AUTS2: variants seen among roughly 807,000 people sequenced by gnomAD.
AUTS2 encodes activator of transcription and developmental regulator AUTS2, also known as autism susceptibility gene 2 protein.
AUTS2 carries 17 observed loss-of-function variants against 112.4 expected under a neutral mutation model. The observed-to-expected ratio is 0.15, with a 90% CI of 0.10 to 0.23. AUTS2 has a LOEUF of 0.23. AUTS2 is among the 10% of genes least tolerant of loss of function. The pLI, the probability that AUTS2 is intolerant of heterozygous loss-of-function variation, is 1.00. For synonymous variants in AUTS2, 751 were observed against 702.7 expected, an observed-to-expected ratio of 1.07 and a Z score of -1.09; for missense variants, 1,510 against 1,701.6, an observed-to-expected ratio of 0.89 and a Z score of 1.98.
At chr7:69,667,920 A>G (rs553275770) in intron 1 of AUTS2, among the ~76,000 whole-genome samples, 12 of 152,128 alleles carry the variant, frequency 7.9e-5, no homozygotes, top group Non-Finnish European at 1.5e-4. Context: ...CAGCTAAATC[A>G]CTATACCTAT....
intron 1 of AUTS2, among the ~76,000 whole-genome samples, chr7:69,682,253 CAGTT>C (rs1001403911): frequency 1.3e-5 from 2 of 152,196 alleles, no homozygotes; most frequent in African/African-American, 2.4e-5. Flanking sequence ...ACCTATTACA[CAGTT>C]AGAAAAACTG....
intron 6 of AUTS2, among the ~76,000 whole-genome samples, chr7:70,748,600 A>G (rs373010479): frequency 4.6e-5 from 7 of 152,230 alleles, no homozygotes; most frequent in East Asian, 3.9e-4. Flanking sequence ...AATAGTGTTC[A>G]TGAACCTACC....
chr7:70,760,090 C>G (rs939506815), intron 6 of AUTS2, among the ~76,000 whole-genome samples: 4 of 151,822 alleles, frequency 2.6e-5, no homozygotes, highest in African/African-American at 9.7e-5. Context: ...ACTGCAACCT[C>G]TGCCTCCCAG....
chr7:69,791,048 CTT>C (rs1199404216), intron 1 of AUTS2, among the ~76,000 whole-genome samples: 1 of 152,226 alleles, frequency 6.6e-6, no homozygotes, highest in African/African-American at 2.4e-5. Flanking sequence ...GAGCAGGGAT[CTT>C]CTTGAGACTG....
intron 7 of AUTS2, among the ~76,000 whole-genome samples, 156 bp downstream of exon 7, chr7:70,763,497 T>A (rs1230727177): frequency 6.6e-6 from 1 of 152,058 alleles, no homozygotes; most frequent in East Asian, 1.9e-4. Context: ...GGCTGTTGGG[T>A]GAGACTCGGG....
intron 1 of AUTS2, among the ~76,000 whole-genome samples, chr7:69,605,757 A>G (rs1185612202): frequency 6.6e-6 from 1 of 152,130 alleles, no homozygotes; most frequent in Non-Finnish European, 1.5e-5. Context: ...TTTTTGGAAA[A>G]TTTGGCCATG....
chr7:69,662,734 T>A (rs988055585), intron 1 of AUTS2, among the ~76,000 whole-genome samples: 2 of 152,230 alleles, frequency 1.3e-5, no homozygotes, highest in African/African-American at 4.8e-5. Context: ...TTGGCTTCAA[T>A]TTCCTAACAC....
intron 6 of AUTS2, among the ~76,000 whole-genome samples, chr7:70,762,189 A>G (rs1463990621): frequency 6.6e-6 from 1 of 152,200 alleles, no homozygotes; most frequent in Non-Finnish European, 1.5e-5. Context: ...CAACAAATGT[A>G]TTTGTTTTAA....
intron 5 of AUTS2, among the ~76,000 whole-genome samples, chr7:70,670,815 T>A (rs1388482927): frequency 6.6e-6 from 1 of 152,152 alleles, no homozygotes; most frequent in Non-Finnish European, 1.5e-5. Flanking sequence ...GAATTTGACC[T>A]ATTTATGCCC....
At chr7:70,497,565 G>T (rs759043104) in intron 5 of AUTS2, among the ~76,000 whole-genome samples, 6 of 152,184 alleles carry the variant, frequency 3.9e-5, no homozygotes, top group South Asian at 2.1e-4. Flanking sequence ...CATGCATGTG[G>T]AGAATGCCTT....
At chr7:70,616,450 C>T (rs11768511) in intron 5 of AUTS2, among the ~76,000 whole-genome samples, 16,682 of 152,252 alleles carry the variant, frequency 0.11, 1,080 homozygotes, top group Middle Eastern at 0.21. Context: ...TAACAGCTGA[C>T]GGGGCTGATG....
chr7:70,145,382 C>A (rs571761037), intron 4 of AUTS2, among the ~76,000 whole-genome samples: 2 of 152,090 alleles, frequency 1.3e-5, no homozygotes, highest in South Asian at 2.1e-4. Flanking sequence ...TACACAATGG[C>A]AAAATAATTG....
intron 1 of AUTS2, among the ~76,000 whole-genome samples, chr7:69,645,939 C>T (rs1015268304): frequency 6.6e-6 from 1 of 151,336 alleles, no homozygotes; most frequent in Non-Finnish European, 1.5e-5. Flanking sequence ...TGACTGGTGG[C>T]CTGGGGGTGT....
chr7:69,742,852 C>A (rs185196351), intron 1 of AUTS2, among the ~76,000 whole-genome samples: 2 of 152,258 alleles, frequency 1.3e-5, no homozygotes, highest in Admixed American at 6.5e-5. Flanking sequence ...CTGTAAACCA[C>A]TTTTATGACT....
chr7:70,348,735 C>T (rs535187426), intron 4 of AUTS2, among the ~76,000 whole-genome samples: 19 of 152,220 alleles, frequency 1.2e-4, no homozygotes, highest in African/African-American at 3.4e-4. Context: ...GCGTGAACCC[C>T]GGGAGGCGTT....
intron 4 of AUTS2, among the ~76,000 whole-genome samples, chr7:70,315,157 A>G (rs1789935733): frequency 6.6e-6 from 1 of 152,160 alleles, no homozygotes; most frequent in East Asian, 1.9e-4. Flanking sequence ...CTAGTTGACA[A>G]GCTGTTCCAC....
At chr7:69,818,986 C>T (rs1273181813) in intron 1 of AUTS2, among the ~76,000 whole-genome samples, 1 of 152,174 alleles carries the variant, frequency 6.6e-6, no homozygotes, top group Non-Finnish European at 1.5e-5. Context: ...AAGTGCCCCT[C>T]ACCTTTGTTT....
intron 2 of AUTS2, among the ~76,000 whole-genome samples, chr7:70,013,128 A>G (rs1466536402): frequency 2.0e-5 from 3 of 152,144 alleles, no homozygotes; most frequent in Admixed American, 2.0e-4. Context: ...ACAGCTGGAA[A>G]CTTATTTGTG....
Position 69,983,374 on chromosome 7 carries a change from AG to A in AUTS2, c.522+83877del, listed in dbSNP as rs994241823. Among the ~76,000 whole-genome samples the A allele has an allele frequency of 6.3e-3, 952 of 151,938 alleles. 15 individuals are homozygous for A. Among genetic ancestry groups the A allele is most frequent in the African/African-American group, 0.021 (882 of 41,418 alleles). On this transcript the variant is annotated intron_variant, in intron 2 of 18. Transcript: ENST00000342771. ...TTTTTGCCATGAAAGAGAAAGCCACAGCAAACAATGTATATATGTAGCTCTT... is the reference window on the plus strand; with the variant it reads ...TTTTTGCCATGAAAGAGAAAGCCACACAAACAATGTATATATGTAGCTCTT...
Sources: gnomAD v4.1 joint callset for allele counts (sites outside exome capture counted in the v4.1 genomes callset) on GRCh38, gnomAD v4.1.1 for gene constraint, MANE v1.5 for transcripts, NCBI Gene and HGNC (gene_info 2026-07-23, HGNC 2026-07-21) for gene names.